Variants in AGPAT5 observed in about 807,000 individuals in gnomAD.
The protein encoded by AGPAT5 is 1-acyl-sn-glycerol-3-phosphate acyltransferase epsilon.
AGPAT5 carries 46 observed loss-of-function variants against 45.6 expected under a neutral mutation model. That is an observed-to-expected ratio of 1.01 (90% CI 0.80 to 1.29). AGPAT5 has a LOEUF of 1.29. AGPAT5 is among the 50% of genes most tolerant of loss of function. The pLI, the probability that AGPAT5 is intolerant of heterozygous loss-of-function variation, is 0.00. For missense variants in AGPAT5, 673 were observed against 450.7 expected (o/e 1.49, Z -4.47); for synonymous variants, 272 against 167.0 (o/e 1.63, Z -4.85).
intron 1 of AGPAT5, among the ~76,000 whole-genome samples, chr8:6,720,059 C>T (rs1027607985): frequency 2.0e-5 from 3 of 152,196 alleles, no homozygotes; most frequent in Admixed American, 6.5e-5. Flanking sequence ...TTCTGGGGAA[C>T]TCATGCTTCT....
intron 1 of AGPAT5, among the ~76,000 whole-genome samples, chr8:6,717,582 A>G (rs186625324): frequency 3.3e-5 from 5 of 152,386 alleles, no homozygotes; most frequent in Admixed American, 6.5e-5. Flanking sequence ...AATTAAAGAA[A>G]TGAACAAAGA....
intron 6 of AGPAT5, among the ~76,000 whole-genome samples, chr8:6,754,377 G>C (rs773053406): frequency 6.6e-6 from 1 of 152,180 alleles, no homozygotes; most frequent in Admixed American, 6.5e-5. Flanking sequence ...AATATGGCAA[G>C]TATCAGGAAA....
At chr8:6,741,834 T>A (rs963471539) in intron 5 of AGPAT5, 83 bp downstream of exon 5, 17 of 1,085,866 alleles carry the variant, frequency 1.6e-5, no homozygotes, top group Non-Finnish European at 1.8e-5. Context: ...AAGATACTTT[T>A]GTTTTACAGT....
intron 2 of AGPAT5, among the ~76,000 whole-genome samples, chr8:6,728,474 G>C (rs1438259576): frequency 2.0e-5 from 3 of 152,218 alleles, no homozygotes; most frequent in African/African-American, 4.8e-5. Context: ...AAATATTCAA[G>C]TTTAAGGGCA....
At chr8:6,750,073 C>G (rs1563305929) in intron 6 of AGPAT5, among the ~76,000 whole-genome samples, 1 of 152,236 alleles carries the variant, frequency 6.6e-6, no homozygotes, top group Non-Finnish European at 1.5e-5. Flanking sequence ...GGAAACCACC[C>G]TCTCTTTTGT....
In AGPAT5 at chr8:6,708,884, C is replaced by T; in HGVS notation, c.216C>T (p.Val72=). 1.2e-6 allele frequency: 2 copies of T among 1,601,510 alleles called. No homozygotes were observed. The highest frequency in any genetic ancestry group is 8.5e-7 in the Non-Finnish European group (1 of 1,174,648). Residue 72 remains valine (V), a synonymous_variant, in exon 1 of 8, where the codon GTC becomes GTT. Transcript: ENST00000285518. ...TCTTCTTCGAGAATTACACCGGGGT[C>T]CAGGTGAGCCGCCTCCCGCTCCCGG... ...VLFFFENYTG[V]QILLYGDLPK... is the part of the protein sequence containing the mutation.
intron 4 of AGPAT5, chr8:6,738,546 G>C (rs985761820): frequency 6.6e-6 from 1 of 152,162 alleles, no homozygotes; most frequent in African/African-American, 2.4e-5. Flanking sequence ...ACACAGAGAC[G>C]TGAGGTGAGC....
intron 5 of AGPAT5, among the ~76,000 whole-genome samples, chr8:6,746,613 C>G (rs1801474323): frequency 1.3e-5 from 2 of 152,166 alleles, no homozygotes; most frequent in South Asian, 4.1e-4. Flanking sequence ...GTTTGTGAAT[C>G]AATTTAACTG....
intron 2 of AGPAT5, among the ~76,000 whole-genome samples, chr8:6,729,699 G>C (rs551743296): frequency 6.6e-6 from 1 of 152,036 alleles, no homozygotes; most frequent in Non-Finnish European, 1.5e-5. Context: ...TGTTTAATTG[G>C]CAAGGGCCAC....
At chr8:6,711,418 C>T (rs1353303616) in intron 1 of AGPAT5, among the ~76,000 whole-genome samples, 2 of 152,212 alleles carry the variant, frequency 1.3e-5, no homozygotes, top group African/African-American at 4.8e-5. Context: ...CTTTTAGGTC[C>T]TTCCAGAATC....
At chr8:6,749,920 G>A (rs1407142822) in intron 6 of AGPAT5, among the ~76,000 whole-genome samples, 1 of 152,332 alleles carries the variant, frequency 6.6e-6, no homozygotes, top group East Asian at 1.9e-4. Context: ...ATGCGTTCCA[G>A]CCGTGATCTC....
chr8:6,724,804 G>T, intron 1 of AGPAT5, 66 bp from the exon 2 acceptor site: 1 of 480,332 alleles, frequency 2.1e-6, no homozygotes. Flanking sequence ...TCTTCACATT[G>T]TCTTCCTTTG....
At chr8:6,729,365 T>G (rs1367762666) in intron 2 of AGPAT5, among the ~76,000 whole-genome samples, 1 of 138,358 alleles carries the variant, frequency 7.2e-6, no homozygotes, top group Non-Finnish European at 1.5e-5. Context: ...TTTTTAACAT[T>G]TCCTTCCTCT....
rs911077298 is a variant in AGPAT5 at position 6,758,186 on chromosome 8, G to A, written c.*798G>A. The A allele has an allele frequency of 1.3e-5, 2 of 152,444 alleles. No individual in the cohort carries two copies. Among genetic ancestry groups the A allele is most frequent in the South Asian group, 2.1e-4 (1 of 4,828 alleles). The allele number at this position is 152,444 out of a possible 1,614,324, so 9.4% of individuals were successfully genotyped here. On this transcript the variant is annotated 3_prime_UTR_variant, in exon 8 of 8. Coordinates refer to ENST00000285518, the MANE Select transcript of AGPAT5 (RefSeq NM_018361.5). ...GTCTGTGCCATAAGTGCTTGAAAAC[G>A]TTAAGGTTTTCTGTTTTGTTTTGTT... is the stretch of plus-strand genomic sequence containing the variant.
intron 2 of AGPAT5, among the ~76,000 whole-genome samples, chr8:6,726,704 C>T (rs1308683959): frequency 6.6e-6 from 1 of 152,186 alleles, no homozygotes; most frequent in Non-Finnish European, 1.5e-5. Flanking sequence ...AATCTTCATA[C>T]TCAGACCATA....
At chr8:6,730,253 A>T (rs1800816593) in intron 2 of AGPAT5, among the ~76,000 whole-genome samples, 1 of 151,644 alleles carries the variant, frequency 6.6e-6, no homozygotes, top group Non-Finnish European at 1.5e-5. Context: ...CAAAAAACAG[A>T]AAATGTATAT....
chr8:6,755,061 C>A lies in AGPAT5; in HGVS notation c.756C>A (p.Cys252Ter). The A allele has an allele frequency of 6.3e-7, 1 of 1,588,736 alleles. No individual in the cohort carries two copies. The highest frequency in any genetic ancestry group is 8.5e-7 in the Non-Finnish European group (1 of 1,170,652). Residue 252 changes from cysteine (C) to a stop codon, truncating the protein, a stop_gained, in exon 7 of 8, where the codon TGC becomes TGA. Transcript: ENST00000285518. LOFTEE classifies it high-confidence loss of function. Reference sequence around the variant, plus strand: ...TTTGTTCTTTGTTAGAATTTCTCTGCAAAGAATGTCCAAAAATTCATATTC... The same window carrying A: ...TTTGTTCTTTGTTAGAATTTCTCTGAAAAGAATGTCCAAAAATTCATATTC... ...RESPTMTEFL[C>*]KECPKIHIHI...
chr8:6,724,267 C>T (rs1049000425), intron 1 of AGPAT5, among the ~76,000 whole-genome samples: 1 of 152,160 alleles, frequency 6.6e-6, no homozygotes, highest in Non-Finnish European at 1.5e-5. Flanking sequence ...TCCTCAGCCG[C>T]GACACTGCCC....
chr8:6,732,042 C>G (rs931066947), intron 3 of AGPAT5, among the ~76,000 whole-genome samples: 10 of 152,152 alleles, frequency 6.6e-5, no homozygotes, highest in African/African-American at 2.2e-4. Flanking sequence ...CTCTAAGTCC[C>G]TCTCTCTGAA....
Sources: allele counts gnomAD v4.1 joint callset (sites outside exome capture counted in the v4.1 genomes callset), GRCh38; gene constraint gnomAD v4.1.1; transcripts MANE v1.5; gene names NCBI Gene and HGNC (gene_info 2026-07-23, HGNC 2026-07-21).